LAMA3: variants seen among roughly 807,000 people sequenced by gnomAD.
LAMA3 encodes laminin subunit alpha-3.
LAMA3 carries 281 observed loss-of-function variants against 402.0 expected under a neutral mutation model. The observed-to-expected ratio is 0.70, with a 90% CI of 0.63 to 0.77. The LOEUF (loss-of-function observed/expected upper bound fraction) is 0.77, where lower values mean the gene tolerates loss of function less well. LAMA3 is among the 30% of genes least tolerant of loss of function. The pLI is 0.00. For missense variants in LAMA3, 3,840 were observed against 4,215.5 expected, an observed-to-expected ratio of 0.91 and a Z score of 2.47; for synonymous variants, 1,431 against 1,558.4, an observed-to-expected ratio of 0.92 and a Z score of 1.93.
intron 12 of LAMA3, among the ~76,000 whole-genome samples, chr18:23,799,181 C>CT (rs558477543): frequency 6.6e-6 from 1 of 152,014 alleles, no homozygotes; most frequent in African/African-American, 2.4e-5. Context: ...ATTTCAAAGA[C>CT]TTTTTTTGGT....
chr18:23,751,626 G>C (rs1420966475), intron 5 of LAMA3, among the ~76,000 whole-genome samples: 2 of 152,182 alleles, frequency 1.3e-5, no homozygotes, highest in Non-Finnish European at 2.9e-5. Flanking sequence ...CTATGGGCAA[G>C]AACTGGTCAT....
chr18:23,847,350 A>C, intron 31 of LAMA3, 114 bp from the exon 32 acceptor site: 1 of 1,130,996 alleles, frequency 8.8e-7, no homozygotes, highest in East Asian at 2.5e-5. Flanking sequence ...TTCAGATCCA[A>C]ATATTTCTCT....
rs1309479129 is a variant in LAMA3, at chr18:23,824,516, T to A, written c.2522T>A (p.Ile841Asn). 1.2e-5 allele frequency: 20 copies of A among 1,614,148 alleles called. No individual in the cohort carries two copies. The highest frequency in any genetic ancestry group is 1.7e-5 in the Non-Finnish European group (20 of 1,179,976). The change falls in exon 21 of 75, where the codon ATC becomes AAC. Residue 841 changes from isoleucine (I) to asparagine (N), a missense_variant. Coordinates refer to ENST00000313654, the MANE Select transcript of LAMA3 (RefSeq NM_198129.4). ...PGNGFADPFS[I>N]TPGIWVACIK... is the part of the protein sequence containing the mutation. ...AATGGTTTTGCAGACCCATTTTCAA[T>A]CACACCAGGAATATGGGTTGCTTGT...
intron 34 of LAMA3, among the ~76,000 whole-genome samples, chr18:23,860,446 T>C (rs1244310052): frequency 2.0e-5 from 3 of 150,062 alleles, no homozygotes; most frequent in African/African-American, 7.4e-5. Flanking sequence ...TTTTGTAGAG[T>C]CAGGGTTTTG....
intron 70 of LAMA3, among the ~76,000 whole-genome samples, chr18:23,948,102 G>T (rs773213726): frequency 6.6e-6 from 1 of 152,256 alleles, no homozygotes; most frequent in East Asian, 1.9e-4. Flanking sequence ...GTGAGCCACC[G>T]TGCCCGGCCC....
At chr18:23,703,534 T>G (rs893289368) in intron 1 of LAMA3, among the ~76,000 whole-genome samples, 1 of 152,134 alleles carries the variant, frequency 6.6e-6, no homozygotes, top group African/African-American at 2.4e-5. Flanking sequence ...TTGCAGACAA[T>G]TGCTTAACTG....
chr18:23,824,376 C>A (rs372357375), intron 20 of LAMA3, 47 bp from the exon 21 acceptor site: 60 of 1,602,616 alleles, frequency 3.7e-5, no homozygotes, highest in Non-Finnish European at 5.0e-5. Flanking sequence ...AATCATAACA[C>A]TGACTGATAG....
At chr18:23,899,106 A>T in intron 46 of LAMA3, 41 bp downstream of exon 46, 2 of 1,481,168 alleles carry the variant, frequency 1.4e-6, no homozygotes, top group Non-Finnish European at 1.9e-6. Flanking sequence ...TTTTTTGGTT[A>T]CATAACCTTC....
intron 32 of LAMA3, among the ~76,000 whole-genome samples, chr18:23,851,677 C>A (rs1257760152): frequency 6.6e-6 from 1 of 152,208 alleles, no homozygotes; most frequent in Admixed American, 6.5e-5. Context: ...GCTTCAGCCA[C>A]CCTCACTCCT....
chr18:23,842,791 G>A, intron 29 of LAMA3, 41 bp downstream of exon 29: 1 of 1,613,194 alleles, frequency 6.2e-7, no homozygotes, highest in Non-Finnish European at 8.5e-7. Context: ...TCACATGCCT[G>A]CCTGGCTGGC....
chr18:23,815,482 T>C lies in LAMA3; in HGVS notation c.1956T>C (p.Cys652=), dbSNP rs772557173. 5.5e-5 allele frequency: 89 copies of C among 1,613,816 alleles called. No homozygotes were observed. The highest frequency in any genetic ancestry group is 6.4e-5 in the Non-Finnish European group (76 of 1,179,778). Reference sequence around the variant, plus strand: ...CTGTTCTGCAGGGAGATGGTGACTGTCACTGCAAGTCCCATGTGGGTGGCG... The same window carrying C: ...CTGTTCTGCAGGGAGATGGTGACTGCCACTGCAAGTCCCATGTGGGTGGCG... ...TGECRQGDGD[C]HCKSHVGGDS... The change falls in exon 17 of 75, where the codon TGT becomes TGC. Residue 652 remains cysteine (C), a synonymous_variant. Transcript: ENST00000313654.
intron 68 of LAMA3, among the ~76,000 whole-genome samples, chr18:23,941,641 C>A (rs994289198): frequency 1.3e-5 from 2 of 152,118 alleles, no homozygotes; most frequent in Non-Finnish European, 2.9e-5. Context: ...CATTGCTTTA[C>A]CCCTTTGGTG....
At chr18:23,724,713 A>G (rs1435925422) in intron 2 of LAMA3, among the ~76,000 whole-genome samples, 1 of 152,244 alleles carries the variant, frequency 6.6e-6, no homozygotes, top group Non-Finnish European at 1.5e-5. Context: ...GCTTTAAATC[A>G]TGGCCATTTT....
chr18:23,857,964 A>G lies in LAMA3; in HGVS notation c.4257A>G (p.Pro1419=), dbSNP rs1424400212. Residue 1419 remains proline (P), a synonymous_variant, in exon 33 of 75, where the codon CCA becomes CCG. Transcript: ENST00000313654. ...GGACTGAGCCAGGAGTGTGTGACCC[A>G]GGGACCGGGGCTTGCCTCTGCAAGG... ...RDGTEPGVCD[P]GTGACLCKEN... is the part of the protein sequence containing the mutation. The G allele has an allele frequency of 5.0e-6, 8 of 1,614,096 alleles. No homozygotes were observed. The highest frequency in any genetic ancestry group is 5.1e-6 in the Non-Finnish European group (6 of 1,180,042).
At chr18:23,831,778 A>G (rs889291159) in intron 23 of LAMA3, among the ~76,000 whole-genome samples, 30 of 152,188 alleles carry the variant, frequency 2.0e-4, no homozygotes, top group Non-Finnish European at 3.2e-4. Flanking sequence ...GACATCAGAC[A>G]TATTAGTTAT....
At chr18:23,752,368 C>G (rs2061768812) in intron 5 of LAMA3, among the ~76,000 whole-genome samples, 1 of 151,936 alleles carries the variant, frequency 6.6e-6, no homozygotes, top group African/African-American at 2.4e-5. Context: ...TCATATATAT[C>G]TATGTATATT....
intron 11 of LAMA3, among the ~76,000 whole-genome samples, chr18:23,783,607 A>G (rs1163211717): frequency 6.6e-6 from 1 of 152,218 alleles, no homozygotes; most frequent in Non-Finnish European, 1.5e-5. Context: ...GGAAGCCCCC[A>G]ATGCCTGATA....
intron 69 of LAMA3, among the ~76,000 whole-genome samples, chr18:23,944,675 G>A (rs1154241): frequency 0.16 from 23,676 of 152,138 alleles, 2,270 homozygotes; most frequent in South Asian, 0.24. Flanking sequence ...GAAGAGGGAA[G>A]AGCAAATAAC....
intron 1 of LAMA3, chr18:23,709,876 G>T: frequency 4.1e-6 from 3 of 729,802 alleles, no homozygotes; most frequent in South Asian, 2.7e-5. Context: ...GGAGCCAGTT[G>T]AACATATGCC....
Sources: allele counts gnomAD v4.1 joint callset (sites outside exome capture counted in the v4.1 genomes callset), GRCh38; gene constraint gnomAD v4.1.1; transcripts MANE v1.5; gene names NCBI Gene and HGNC (gene_info 2026-07-23, HGNC 2026-07-21).